Variants in RUFY3 observed in about 807,000 individuals in gnomAD.
RUFY3 encodes the protein protein RUFY3.
RUFY3 carries 34 observed loss-of-function variants against 84.0 expected under a neutral mutation model. The observed-to-expected ratio is 0.40, with a 90% CI of 0.31 to 0.54. RUFY3 has a LOEUF of 0.54. Among genes scored for constraint, RUFY3 ranks in the 20% least tolerant of loss-of-function variants. The pLI is 0.39. For synonymous variants in RUFY3, 242 were observed against 252.9 expected (o/e 0.96, Z 0.41); for missense variants, 507 against 736.8 (o/e 0.69, Z 3.61).
chr4:70,792,329 A>C, intron 12 of RUFY3: 1 of 974,610 alleles, frequency 1.0e-6, no homozygotes, highest in Non-Finnish European at 1.2e-6. Context: ...TTGAATTATT[A>C]GAAAAACATT....
At chr4:70,738,186 G>T (rs1720701767) in intron 1 of RUFY3, among the ~76,000 whole-genome samples, 2 of 147,756 alleles carry the variant, frequency 1.4e-5, no homozygotes, top group Admixed American at 1.4e-4. Context: ...ACAGGGTTTC[G>T]CCATGTTGTC....
chr4:70,745,916 C>G, intron 1 of RUFY3, among the ~76,000 whole-genome samples: 1 of 152,060 alleles, frequency 6.6e-6, no homozygotes, highest in East Asian at 1.9e-4. Context: ...CAAAACCCGT[C>G]TCTACTAAAA....
intron 1 of RUFY3, among the ~76,000 whole-genome samples, chr4:70,707,501 C>T (rs1425614285): frequency 6.6e-6 from 1 of 152,188 alleles, no homozygotes; most frequent in East Asian, 1.9e-4. Flanking sequence ...TTACCTCAGC[C>T]TCCCAAAGTG....
At chr4:70,792,709 C>G in intron 12 of RUFY3, 1 of 985,268 alleles carries the variant, frequency 1.0e-6, no homozygotes, top group African/African-American at 1.7e-5. Flanking sequence ...CTTGGCAAAA[C>G]CAGAATTAAG....
chr4:70,774,273 G>A (rs940168079), intron 6 of RUFY3, among the ~76,000 whole-genome samples: 1 of 151,934 alleles, frequency 6.6e-6, no homozygotes, highest in Admixed American at 6.6e-5. Flanking sequence ...GTTGGTTGTA[G>A]ACGTGAACCT....
At chr4:70,747,708 C>T (rs1722454333) in intron 1 of RUFY3, among the ~76,000 whole-genome samples, 1 of 152,152 alleles carries the variant, frequency 6.6e-6, no homozygotes, top group Admixed American at 6.6e-5. Context: ...GCATTTACAA[C>T]TAGGTGATCA....
chr4:70,712,518 A>G (rs750204910), intron 1 of RUFY3, among the ~76,000 whole-genome samples: 8 of 152,200 alleles, frequency 5.3e-5, no homozygotes, highest in Non-Finnish European at 1.0e-4. Flanking sequence ...TGGCCTCAAA[A>G]CATATTCACT....
chr4:70,721,905 T>A, upstream of RUFY3: 4 of 1,231,350 alleles, frequency 3.2e-6, no homozygotes, highest in Non-Finnish European at 3.0e-6. Flanking sequence ...TAAAGCATCC[T>A]GGGAATTGCT....
At chr4:70,771,566 C>T (rs1313471349) in intron 5 of RUFY3, among the ~76,000 whole-genome samples, 1 of 152,152 alleles carries the variant, frequency 6.6e-6, no homozygotes, top group Non-Finnish European at 1.5e-5. Context: ...CAAAGTCTCA[C>T]TGTCATCCAG....
chr4:70,728,488 C>A (rs1378907731), intron 1 of RUFY3, among the ~76,000 whole-genome samples: 7 of 152,164 alleles, frequency 4.6e-5, no homozygotes, highest in African/African-American at 1.7e-4. Flanking sequence ...GAAGTTGAAC[C>A]CTCATAAGCC....
upstream of RUFY3, chr4:70,721,917 G>A: frequency 8.1e-7 from 1 of 1,231,578 alleles, no homozygotes; most frequent in Non-Finnish European, 1.0e-6. Flanking sequence ...GGAATTGCTT[G>A]CCCTACGTTC....
chr4:70,758,027 CT>C (rs1724330042), intron 1 of RUFY3, among the ~76,000 whole-genome samples: 1 of 152,118 alleles, frequency 6.6e-6, no homozygotes, highest in Admixed American at 6.5e-5. Flanking sequence ...ATAACAGAAT[CT>C]TTTTTTACTT....
intron 1 of RUFY3, among the ~76,000 whole-genome samples, chr4:70,753,579 A>G (rs1310871716): frequency 1.3e-5 from 2 of 152,262 alleles, no homozygotes; most frequent in East Asian, 3.9e-4. Context: ...TAAAGTGCAA[A>G]ACCTGATTCA....
At position 70,808,301 on chromosome 4, in the gene RUFY3, G is replaced by A. The variant is rs943031634; in HGVS notation, c.*1642G>A. Reference sequence around the variant, plus strand: ...TACTTACATATCTATCTATCTTTGAGTAACAAACTCTTTGGGGGAAAAGAG... The same window carrying A: ...TACTTACATATCTATCTATCTTTGAATAACAAACTCTTTGGGGGAAAAGAG... On this transcript the variant is annotated 3_prime_UTR_variant, in exon 18 of 18. Coordinates refer to ENST00000381006, the MANE Select transcript of RUFY3 (RefSeq NM_001037442.4). Among the ~76,000 whole-genome samples the A allele has an allele frequency of 2.6e-5, 4 of 151,854 alleles. No individual in the cohort carries two copies. The highest frequency in any genetic ancestry group is 7.3e-5 in the African/African-American group (3 of 41,186).
chr4:70,743,217 A>G (rs1721602651), intron 1 of RUFY3, among the ~76,000 whole-genome samples: 1 of 152,094 alleles, frequency 6.6e-6, no homozygotes, highest in Non-Finnish European at 1.5e-5. Flanking sequence ...TTATAGGTGC[A>G]TACCACCATC....
At chr4:70,723,988 T>C (rs1191437615) in intron 1 of RUFY3, among the ~76,000 whole-genome samples, 4 of 152,196 alleles carry the variant, frequency 2.6e-5, no homozygotes, top group Non-Finnish European at 5.9e-5. Context: ...TTAAGAACAA[T>C]GTTTAAGTGG....
rs1742373455 is a variant in RUFY3, at chr4:70,722,150, T to C, written c.-424T>C. 19 of 1,231,560 alleles carry C rather than the reference T, an allele frequency of 1.5e-5. No individual in the cohort carries two copies. The highest frequency in any genetic ancestry group is 1.9e-5 in the Non-Finnish European group (19 of 987,734). The allele number at this position is 1,231,560 out of a possible 1,614,324, so 76.3% of individuals were successfully genotyped here. On this transcript the variant is annotated 5_prime_UTR_variant, in exon 1 of 18. Transcript: ENST00000381006. ...TCAGGTTTTTCTTTTATATTTTTTT[T>C]CTGCACAAAGGAGGAGGATTTTTCA...
rs568942003 is a variant in RUFY3 at position 70,785,526 on chromosome 4, G to T, written c.1071+647G>T. Reference sequence around the variant, plus strand: ...TATAGCCACTATGGAAAACATAGTTGTCTTAAAAAATTAAAAATCGGGCCA... The same window carrying T: ...TATAGCCACTATGGAAAACATAGTTTTCTTAAAAAATTAAAAATCGGGCCA... On this transcript the variant is annotated intron_variant, in intron 10 of 17. Transcript: ENST00000381006. Among the ~76,000 whole-genome samples the T allele has an allele frequency of 1.5e-4, 23 of 152,128 alleles. 1 individual carries two copies. In the South Asian group the frequency reaches 3.3e-3, roughly 22 times the overall value.
At position 70,764,423 on chromosome 4, in the gene RUFY3, C is replaced by T. The variant is rs559489317; in HGVS notation, c.471-52C>T. The T allele has an allele frequency of 4.5e-4, 553 of 1,236,578 alleles. 1 individual carries two copies. The highest frequency in any genetic ancestry group is 6.1e-4 in the Non-Finnish European group (514 of 843,408). The allele number at this position is 1,236,578 out of a possible 1,614,324, so 76.6% of individuals were successfully genotyped here. On this transcript the variant is annotated intron_variant, in intron 3 of 17. Coordinates refer to ENST00000381006, the MANE Select transcript of RUFY3 (RefSeq NM_001037442.4). The stretch of plus-strand genomic sequence containing the variant: ...ATAAGTGAACTGATTCTACTGTAGC[C>T]TTTGCTTCTGGTGCTTATGTTTTCA...
Sources: allele counts gnomAD v4.1 joint callset (sites outside exome capture counted in the v4.1 genomes callset), GRCh38; gene constraint gnomAD v4.1.1; transcripts MANE v1.5; gene names NCBI Gene and HGNC (gene_info 2026-07-23, HGNC 2026-07-21).